MAMDC2: variants seen among roughly 807,000 people sequenced by gnomAD.
MAMDC2 encodes the protein MAM domain containing 2, also known as MAM domain-containing protein 2.
A neutral mutation model predicts 89.8 loss-of-function variants in MAMDC2; 57 were observed. The ratio of observed to expected loss-of-function variants is 0.63; its 90% CI spans 0.51 to 0.79. MAMDC2 has a LOEUF of 0.79. Ranked by LOEUF, MAMDC2 falls within the 30% of genes least tolerant of loss-of-function variation. The pLI is 0.00. For missense variants in MAMDC2, 800 were observed against 820.6 expected (o/e 0.97, Z 0.31); for synonymous variants, 313 against 293.4 (o/e 1.07, Z -0.68).
At chr9:70,107,398 A>T (rs2118248884) in intron 2 of MAMDC2, among the ~76,000 whole-genome samples, 1 of 152,292 alleles carries the variant, frequency 6.6e-6, no homozygotes, top group African/African-American at 2.4e-5. Context: ...AAGGGGAATA[A>T]GAAGACAGAA....
intron 11 of MAMDC2, among the ~76,000 whole-genome samples, chr9:70,210,856 C>T (rs926578785): frequency 3.3e-5 from 5 of 152,088 alleles, no homozygotes; most frequent in Non-Finnish European, 5.9e-5. Flanking sequence ...ATTTGTTTGT[C>T]TATAAAGGAT....
At position 70,066,390 on chromosome 9, in the gene MAMDC2, A is replaced by G. The variant is rs184067194; in HGVS notation, c.148+21693A>G. On this transcript the variant is annotated intron_variant, in intron 2 of 13. Transcript: ENST00000377182. ...AGGTAGCCAGGCCAGAGCACTTAGG[A>G]ACTAACAGGATTTACCTGAATAAGT... is the stretch of plus-strand genomic sequence containing the variant. Among the ~76,000 whole-genome samples, 88 of 152,318 alleles carry G rather than the reference A, an allele frequency of 5.8e-4. 1 individual carries two copies. Among genetic ancestry groups the G allele is most frequent in the Non-Finnish European group, 5.1e-4 (35 of 68,024 alleles).
chr9:70,148,267 C>T (rs1415775693), intron 9 of MAMDC2, among the ~76,000 whole-genome samples: 1 of 150,134 alleles, frequency 6.7e-6, no homozygotes, highest in Non-Finnish European at 1.5e-5. Context: ...ACATCACTTC[C>T]TCAGAGAATC....
chr9:70,190,527 C>T (rs189035050), intron 11 of MAMDC2, among the ~76,000 whole-genome samples: 22 of 151,214 alleles, frequency 1.5e-4, no homozygotes, highest in Non-Finnish European at 1.5e-5. Context: ...GCCTAAAGGT[C>T]AGCCAGAGGT....
At chr9:70,085,809 C>A (rs1299673527) in intron 2 of MAMDC2, 1 of 152,016 alleles carries the variant, frequency 6.6e-6, no homozygotes, top group African/African-American at 2.4e-5. Flanking sequence ...AGAAATTACA[C>A]CTCAAGAAAT....
intron 2 of MAMDC2, chr9:70,071,711 G>A (rs1268525117): frequency 6.6e-6 from 1 of 152,112 alleles, no homozygotes; most frequent in African/African-American, 2.4e-5. Context: ...GGGAGTTGAT[G>A]AGAAAGAGTA....
intron 11 of MAMDC2, among the ~76,000 whole-genome samples, chr9:70,196,044 A>G (rs1181203339): frequency 1.3e-5 from 2 of 152,156 alleles, no homozygotes; most frequent in Admixed American, 6.5e-5. Context: ...CAGAAGATGA[A>G]GGAAGTACAA....
At position 70,126,106 on chromosome 9, in the gene MAMDC2, C is replaced by T. The variant is rs1016814701; in HGVS notation, c.644-53C>T. The T allele has an allele frequency of 6.7e-6, 10 of 1,502,186 alleles. No homozygotes were observed. In the Admixed American group the frequency reaches 9.2e-5, roughly 14 times the overall value. The allele number at this position is 1,502,186 out of a possible 1,614,324, so 93.1% of individuals were successfully genotyped here. A position where few individuals can be genotyped will look rare whatever the true frequency, so the allele number is the denominator to read the frequency against. On this transcript the variant is annotated intron_variant, in intron 5 of 13. Coordinates refer to ENST00000377182, the MANE Select transcript of MAMDC2 (RefSeq NM_153267.5). Reference sequence around the variant, plus strand: ...TCACACCATTTCGCCTGAACCTCTTCCCCTCCCCCACCCCCAACTCTTAAC... The same window carrying T: ...TCACACCATTTCGCCTGAACCTCTTTCCCTCCCCCACCCCCAACTCTTAAC...
In MAMDC2 at chr9:70,113,093, T is replaced by G. The variant is rs1389023874; in HGVS notation, c.604T>G (p.Ser202Ala). 4 of 1,613,978 alleles carry G rather than the reference T, an allele frequency of 2.5e-6. No homozygotes were observed. The highest frequency in any genetic ancestry group is 3.4e-6 in the Non-Finnish European group (4 of 1,179,986). The change falls in exon 5 of 14, where the codon TCC becomes GCC. Residue 202 changes from serine (S) to alanine (A), a missense_variant. By Grantham distance (99) the Ser-to-Ala change is moderately conservative. Coordinates refer to ENST00000377182, the MANE Select transcript of MAMDC2 (RefSeq NM_153267.5). ...VGGGSIRNVHSILPQDHTFKS... is the reference protein window; with the variant it reads ...VGGGSIRNVHAILPQDHTFKS... ...AGGAGGAAGTATTCGGAATGTCCAC[T>G]CCATTCTCCCACAGGATCACACCTT...
intron 11 of MAMDC2, among the ~76,000 whole-genome samples, chr9:70,180,619 T>G (rs567654940): frequency 3.9e-5 from 6 of 152,358 alleles, no homozygotes; most frequent in African/African-American, 1.2e-4. Flanking sequence ...TGACCAGTGA[T>G]GATGAGCTTT....
chr9:70,078,818 T>C (rs1453030845), intron 2 of MAMDC2, among the ~76,000 whole-genome samples: 1 of 152,080 alleles, frequency 6.6e-6, no homozygotes, highest in African/African-American at 2.4e-5. Context: ...TAAGAAACAA[T>C]GGGTAGCCAA....
chr9:70,196,143 A>C (rs547401128), intron 11 of MAMDC2, among the ~76,000 whole-genome samples: 1 of 152,184 alleles, frequency 6.6e-6, no homozygotes, highest in East Asian at 1.9e-4. Flanking sequence ...AGACTTATTC[A>C]CTACCACCAT....
At chr9:70,110,163 C>T (rs1331443218) in intron 4 of MAMDC2, among the ~76,000 whole-genome samples, 1 of 152,186 alleles carries the variant, frequency 6.6e-6, no homozygotes, top group Non-Finnish European at 1.5e-5. Flanking sequence ...ATTGTATTAC[C>T]TCCTTTCCCT....
chr9:70,175,215 A>C (rs1182664809), intron 11 of MAMDC2, among the ~76,000 whole-genome samples: 1 of 152,204 alleles, frequency 6.6e-6, no homozygotes, highest in Non-Finnish European at 1.5e-5. Context: ...ACCCAGGTGA[A>C]CAATGATGGT....
At chr9:70,179,177 C>T (rs1004128416) in intron 11 of MAMDC2, among the ~76,000 whole-genome samples, 1 of 152,088 alleles carries the variant, frequency 6.6e-6, no homozygotes, top group Non-Finnish European at 1.5e-5. Flanking sequence ...TTACCTGTAA[C>T]TAAGACATTG....
intron 4 of MAMDC2, among the ~76,000 whole-genome samples, chr9:70,111,399 C>A (rs1244681069): frequency 6.6e-6 from 1 of 152,160 alleles, no homozygotes; most frequent in East Asian, 1.9e-4. Flanking sequence ...TCTTGTTAAA[C>A]TCTATGATCA....
intron 2 of MAMDC2, among the ~76,000 whole-genome samples, chr9:70,051,014 G>C (rs751225153): frequency 2.6e-5 from 4 of 152,200 alleles, no homozygotes; most frequent in African/African-American, 4.8e-5. Flanking sequence ...CAGCCTGCTA[G>C]TGCCTCAGCA....
intron 11 of MAMDC2, among the ~76,000 whole-genome samples, chr9:70,187,101 T>G (rs1563991922): frequency 1.3e-5 from 2 of 152,022 alleles, no homozygotes; most frequent in Admixed American, 6.6e-5. Context: ...TTTCATTAAA[T>G]TTCTTTAATC....
chr9:70,112,966 C>T, intron 4 of MAMDC2, 29 bp from the exon 5 acceptor site: 1 of 1,613,688 alleles, frequency 6.2e-7, no homozygotes, highest in South Asian at 1.1e-5. Flanking sequence ...ACTGTGTCTC[C>T]ATGAAGTGTT....
Sources: gnomAD v4.1 joint callset for allele counts (sites outside exome capture counted in the v4.1 genomes callset) on GRCh38, gnomAD v4.1.1 for gene constraint, MANE v1.5 for transcripts, NCBI Gene and HGNC (gene_info 2026-07-23, HGNC 2026-07-21) for gene names.